The following ABCB11 variants were observed in gnomAD, a reference collection of about 807,000 sequenced individuals.
ABCB11 encodes ATP binding cassette subfamily B member 11.
In ABCB11, 95 loss-of-function variants were observed where a neutral mutation model predicts 148.0. The ratio of observed to expected loss-of-function variants is 0.64; its 90% CI spans 0.54 to 0.76. ABCB11 has a LOEUF of 0.76. ABCB11 is among the 30% of genes least tolerant of loss of function. ABCB11 has a pLI of 0.00. For missense variants in ABCB11, 1,523 were observed against 1,617.8 expected (o/e 0.94, Z 1.01); for synonymous variants, 591 against 555.4 (o/e 1.06, Z -0.90).
chr2:168,964,979 C>CA (rs1272332276), intron 17 of ABCB11, among the ~76,000 whole-genome samples: 5 of 151,722 alleles, frequency 3.3e-5, no homozygotes, highest in South Asian at 2.1e-4. Context: ...ATTTCTCCTT[C>CA]AAAAAATTTA....
At chr2:168,933,868 C>T (rs1395545857) in intron 23 of ABCB11, among the ~76,000 whole-genome samples, 1 of 152,204 alleles carries the variant, frequency 6.6e-6, no homozygotes, top group African/African-American at 2.4e-5. Flanking sequence ...TCTCCTGCCT[C>T]AGCCTCCCAA....
intron 3 of ABCB11, among the ~76,000 whole-genome samples, chr2:169,015,014 C>T (rs976446471): frequency 6.6e-6 from 1 of 152,206 alleles, no homozygotes; most frequent in African/African-American, 2.4e-5. Context: ...CTGTGACTGC[C>T]CATGTACCTC....
At chr2:168,916,772 C>T (rs187660145), downstream of ABCB11, among the ~76,000 whole-genome samples, 15 of 152,242 alleles carry the variant, frequency 9.9e-5, no homozygotes, top group Non-Finnish European at 7.4e-5. Flanking sequence ...AATTTCTCTC[C>T]AAGTGTGTTT....
chr2:168,920,331 T>C (rs1691037053), downstream of ABCB11, among the ~76,000 whole-genome samples: 1 of 152,102 alleles, frequency 6.6e-6, no homozygotes, highest in Non-Finnish European at 1.5e-5. Context: ...AAATTCATAT[T>C]CTTCAATTGT....
chr2:168,969,248 T>C (rs1693460576), intron 16 of ABCB11, 102 bp downstream of exon 16: 1 of 1,097,168 alleles, frequency 9.1e-7, no homozygotes, highest in East Asian at 2.6e-5. Context: ...CCTGCCAGAG[T>C]TGTTGGGAGA....
At chr2:168,938,315 A>G (rs150844890) in intron 21 of ABCB11, among the ~76,000 whole-genome samples, 1 of 152,200 alleles carries the variant, frequency 6.6e-6, no homozygotes, top group Admixed American at 6.5e-5. Context: ...AATAAAGAAA[A>G]CATGATATAT....
chr2:169,015,095 C>A (rs550902892), intron 3 of ABCB11, among the ~76,000 whole-genome samples: 1 of 152,126 alleles, frequency 6.6e-6, no homozygotes, highest in East Asian at 1.9e-4. Flanking sequence ...CCTTTAAATC[C>A]TTCATTTCCT....
At chr2:169,005,333 G>A (rs779016993) in intron 5 of ABCB11, among the ~76,000 whole-genome samples, 2 of 152,054 alleles carry the variant, frequency 1.3e-5, no homozygotes, top group Admixed American at 1.3e-4. Flanking sequence ...AGGGATAGGC[G>A]CCTCTGAGCT....
At chr2:168,926,893 C>T (rs1425706076) in intron 26 of ABCB11, among the ~76,000 whole-genome samples, 1 of 152,086 alleles carries the variant, frequency 6.6e-6, no homozygotes, top group Non-Finnish European at 1.5e-5. Flanking sequence ...ATACACATAG[C>T]CCAGAAGTAA....
At chr2:168,941,598 T>C (rs534738110) in intron 21 of ABCB11, among the ~76,000 whole-genome samples, 3 of 152,222 alleles carry the variant, frequency 2.0e-5, no homozygotes, top group Admixed American at 2.0e-4. Flanking sequence ...AATCCACTCC[T>C]GGTGAAAATG....
At chr2:168,985,612 A>G (rs73018775) in intron 10 of ABCB11, among the ~76,000 whole-genome samples, 4,803 of 152,194 alleles carry the variant, frequency 0.032, 116 homozygotes, top group African/African-American at 0.067. Context: ...ACTACTCAGC[A>G]ATAAAAGGAA....
chr2:168,984,054 G>A (rs1005177296), intron 10 of ABCB11, among the ~76,000 whole-genome samples: 1 of 152,088 alleles, frequency 6.6e-6, no homozygotes, highest in Non-Finnish European at 1.5e-5. Context: ...ATGGGTGAGT[G>A]TAAAAGGCCT....
rs1180718728 is a variant in ABCB11, at chr2:168,942,096, T to A, written c.2610+2509A>T. On this transcript the variant is annotated intron_variant, in intron 21 of 27. Coordinates refer to ENST00000650372, the MANE Select transcript of ABCB11 (RefSeq NM_003742.4). The stretch of plus-strand genomic sequence containing the variant: ...ATAACTTATAAGAGAGCTTGGAAAG[T>A]CCTTAAGATAAGTATACAAAAACTA... Among the ~76,000 whole-genome samples the A allele has an allele frequency of 2.0e-5, 3 of 152,044 alleles. No individual in the cohort carries two copies. In the East Asian group the frequency reaches 5.8e-4, roughly 30 times the overall value.
chr2:168,920,416 T>A (rs377481497), downstream of ABCB11, among the ~76,000 whole-genome samples: 25 of 152,258 alleles, frequency 1.6e-4, 1 homozygote, highest in East Asian at 2.3e-3. Context: ...AACTAGACTA[T>A]TGACTAATTA....
At chr2:168,993,950 C>T in intron 7 of ABCB11, 68 bp from the exon 8 acceptor site, 7 of 1,308,266 alleles carry the variant, frequency 5.4e-6, no homozygotes, top group Non-Finnish European at 7.5e-6. Context: ...CTGAAAGTCT[C>T]AGTCTTTCCC....
intron 22 of ABCB11, among the ~76,000 whole-genome samples, chr2:168,935,980 G>T (rs1471541023): frequency 6.6e-6 from 1 of 152,192 alleles, no homozygotes; most frequent in Non-Finnish European, 1.5e-5. Context: ...CACTATGCGA[G>T]AGGAAATTGA....
chr2:169,029,356 C>T (rs1170129186), intron 1 of ABCB11, among the ~76,000 whole-genome samples: 3 of 151,646 alleles, frequency 2.0e-5, no homozygotes, highest in South Asian at 2.1e-4. Flanking sequence ...TTATTATCAG[C>T]TCAGCAAATG....
intron 8 of ABCB11, among the ~76,000 whole-genome samples, chr2:168,991,704 A>C (rs1457315540): frequency 1.3e-5 from 2 of 152,070 alleles, no homozygotes; most frequent in Non-Finnish European, 2.9e-5. Context: ...TCTTATCAAA[A>C]TCTTAGATGG....
chr2:168,989,699 G>A (rs965597945), intron 9 of ABCB11, among the ~76,000 whole-genome samples: 1 of 152,006 alleles, frequency 6.6e-6, no homozygotes, highest in African/African-American at 2.4e-5. Context: ...ATCTTAGGGG[G>A]AAAAGCTTTC....
Sources: allele counts gnomAD v4.1 joint callset (sites outside exome capture counted in the v4.1 genomes callset), GRCh38; gene constraint gnomAD v4.1.1; transcripts MANE v1.5; gene names NCBI Gene and HGNC (gene_info 2026-07-23, HGNC 2026-07-21).